Variants in KCNH5 observed in about 807,000 individuals in gnomAD.
KCNH5 encodes voltage-gated delayed rectifier potassium channel KCNH5.
Under a neutral mutation model 96.1 loss-of-function variants are expected in KCNH5, and 46 were observed. That is an observed-to-expected ratio of 0.48 (90% confidence interval 0.38 to 0.61). The LOEUF is 0.61. Among genes scored for constraint, KCNH5 ranks in the 20% least tolerant of loss-of-function variants. The pLI is 0.00. For missense variants in KCNH5, 907 were observed against 1,225.8 expected (o/e 0.74, Z 3.88); for synonymous variants, 439 against 449.8 (o/e 0.98, Z 0.30).
intron 8 of KCNH5, among the ~76,000 whole-genome samples, chr14:62,832,687 T>C (rs963087743): frequency 6.6e-6 from 1 of 152,168 alleles, no homozygotes; most frequent in African/African-American, 2.4e-5. Context: ...TCCGTCCTGT[T>C]TTCCATAGCA....
intron 8 of KCNH5, among the ~76,000 whole-genome samples, chr14:62,814,217 A>G (rs1049795107): frequency 2.0e-5 from 3 of 151,838 alleles, no homozygotes; most frequent in Non-Finnish European, 4.4e-5. Context: ...CAATTCTACC[A>G]GGTTTTTCAC....
chr14:62,716,709 C>A (rs1234701722), intron 10 of KCNH5, among the ~76,000 whole-genome samples: 1 of 152,114 alleles, frequency 6.6e-6, no homozygotes, highest in African/African-American at 2.4e-5. Flanking sequence ...TAGTAAAATA[C>A]TAGAAGCTTT....
chr14:63,045,102 A>G lies in KCNH5; in HGVS notation c.73+12T>C. ...TGGAGGTGGGGGTGTTCTGAACTAC[A>G]ACTCTCCTTACCACTGGAGCGCCTG... On this transcript the variant is annotated intron_variant, in intron 1 of 10. Coordinates refer to ENST00000322893, the MANE Select transcript of KCNH5 (RefSeq NM_139318.5). 1 of 1,611,112 alleles carries G rather than the reference A, an allele frequency of 6.2e-7. No individual in the cohort carries two copies. Among genetic ancestry groups the G allele is most frequent in the East Asian group, 2.2e-5 (1 of 44,830 alleles).
chr14:63,021,908 G>C (rs990360206), intron 1 of KCNH5, among the ~76,000 whole-genome samples: 6 of 152,068 alleles, frequency 3.9e-5, no homozygotes, highest in Non-Finnish European at 2.9e-5. Context: ...GTATACATTA[G>C]AGTGCCTTCT....
At chr14:62,712,569 C>T (rs535151228) in intron 10 of KCNH5, 70 of 707,394 alleles carry the variant, frequency 9.9e-5, no homozygotes, top group Non-Finnish European at 1.4e-4. Context: ...TTAACCATTC[C>T]ACTCTCCTGC....
At chr14:62,712,861 C>A in intron 10 of KCNH5, 1 of 651,442 alleles carries the variant, frequency 1.5e-6, no homozygotes, top group East Asian at 2.7e-5. Context: ...CACATGCTAC[C>A]ATTTTGCAGC....
At chr14:62,871,246 T>C (rs1202727896) in intron 7 of KCNH5, among the ~76,000 whole-genome samples, 1 of 152,176 alleles carries the variant, frequency 6.6e-6, no homozygotes, top group African/African-American at 2.4e-5. Flanking sequence ...CCGTAGTTAA[T>C]AGTAGCCAGT....
intron 10 of KCNH5, among the ~76,000 whole-genome samples, chr14:62,755,624 T>A (rs1355344448): frequency 2.0e-5 from 3 of 151,550 alleles, no homozygotes; most frequent in African/African-American, 7.3e-5. Context: ...CAAAGATGCA[T>A]CGAAAAAAGA....
chr14:62,772,757 A>G (rs1886017788), intron 10 of KCNH5, among the ~76,000 whole-genome samples: 1 of 152,148 alleles, frequency 6.6e-6, no homozygotes, highest in South Asian at 2.1e-4. Flanking sequence ...ATCAGAATGC[A>G]GTATTATCAG....
chr14:62,707,459 CAT>C lies in KCNH5; in HGVS notation c.*47_*48del. On this transcript the variant is annotated 3_prime_UTR_variant, in exon 11 of 11. Coordinates refer to ENST00000322893, the MANE Select transcript of KCNH5 (RefSeq NM_139318.5). ...TATATGTATATACTGTATATACACACATATGTATATACTGTTTTAATATATTA... is the reference window on the plus strand; with the variant it reads ...TATATGTATATACTGTATATACACACATGTATATACTGTTTTAATATATTA... The C allele has an allele frequency of 1.2e-6, 1 of 851,326 alleles. No homozygotes were observed. The highest frequency in any genetic ancestry group is 1.6e-6 in the Non-Finnish European group (1 of 611,340). The allele number at this position is 851,326 out of a possible 1,614,324, so 52.7% of individuals were successfully genotyped here.
chr14:62,862,478 C>T (rs1166548229), intron 7 of KCNH5, among the ~76,000 whole-genome samples: 3 of 152,176 alleles, frequency 2.0e-5, no homozygotes, highest in African/African-American at 7.2e-5. Context: ...CAAATTTTTC[C>T]TCTCTCGGTA....
At chr14:62,963,864 G>A (rs918971853) in intron 6 of KCNH5, among the ~76,000 whole-genome samples, 17 of 152,086 alleles carry the variant, frequency 1.1e-4, no homozygotes, top group African/African-American at 3.9e-4. Flanking sequence ...CACATTAGTG[G>A]TGGGAAACTC....
intron 1 of KCNH5, among the ~76,000 whole-genome samples, chr14:63,024,541 ATAC>A (rs1566545317): frequency 1.3e-5 from 2 of 152,186 alleles, no homozygotes; most frequent in Admixed American, 1.3e-4. Context: ...ACCTTTAGCT[ATAC>A]TAAGGAAAGA....
intron 8 of KCNH5, among the ~76,000 whole-genome samples, chr14:62,804,248 A>T (rs1034559553): frequency 1.3e-5 from 2 of 152,124 alleles, no homozygotes; most frequent in African/African-American, 2.4e-5. Flanking sequence ...CTGCTCACCC[A>T]CCTTTCTGAA....
chr14:62,856,917 A>G (rs1175831919), intron 7 of KCNH5, among the ~76,000 whole-genome samples: 1 of 152,104 alleles, frequency 6.6e-6, no homozygotes, highest in Non-Finnish European at 1.5e-5. Context: ...CCTCTAAGAG[A>G]TGCTGGAATT....
At chr14:62,827,322 C>T (rs1458849820) in intron 8 of KCNH5, among the ~76,000 whole-genome samples, 1 of 152,166 alleles carries the variant, frequency 6.6e-6, no homozygotes, top group African/African-American at 2.4e-5. Flanking sequence ...ATTGGCATCA[C>T]CTTGCCTTGG....
chr14:62,860,493 T>C (rs1159455300), intron 7 of KCNH5, among the ~76,000 whole-genome samples: 2 of 152,168 alleles, frequency 1.3e-5, no homozygotes, highest in African/African-American at 2.4e-5. Context: ...CCCTCTGAAA[T>C]AGGAATAATA....
At chr14:62,890,560 G>A (rs567170476) in intron 7 of KCNH5, among the ~76,000 whole-genome samples, 4 of 151,698 alleles carry the variant, frequency 2.6e-5, no homozygotes, top group Middle Eastern at 3.4e-3. Context: ...TTAGCCGGGC[G>A]TGGTGGCAGG....
intron 7 of KCNH5, among the ~76,000 whole-genome samples, chr14:62,876,332 A>G (rs148099088): frequency 1.3e-3 from 192 of 152,352 alleles, no homozygotes; most frequent in African/African-American, 4.4e-3. Context: ...CACTTCTATT[A>G]TATATTTTGT....
Sources: allele counts gnomAD v4.1 joint callset (sites outside exome capture counted in the v4.1 genomes callset), GRCh38; gene constraint gnomAD v4.1.1; transcripts MANE v1.5; gene names NCBI Gene and HGNC (gene_info 2026-07-23, HGNC 2026-07-21).